The following UVSSA variants were observed in gnomAD, a reference collection of about 807,000 sequenced individuals.
UVSSA encodes UV stimulated scaffold protein A, also known as UV-stimulated scaffold protein A.
A neutral mutation model predicts 73.9 loss-of-function variants in UVSSA; 72 were observed. The ratio of observed to expected loss-of-function variants is 0.97; its 90% confidence interval spans 0.81 to 1.19. The LOEUF (loss-of-function observed/expected upper bound fraction) is 1.19. Among genes scored for constraint, UVSSA ranks in the 50% most tolerant of loss-of-function variants. The pLI is 0.00. For synonymous variants in UVSSA, 454 were observed against 391.3 expected, an observed-to-expected ratio of 1.16 and a Z score of -1.89; for missense variants, 1,150 against 965.0, an observed-to-expected ratio of 1.19 and a Z score of -2.54.
At chr4:1,354,480 A>G (rs1245546547) in intron 5 of UVSSA, 8 of 509,752 alleles carry the variant, frequency 1.6e-5, no homozygotes, top group Admixed American at 3.2e-5. Flanking sequence ...GGATGGCTGC[A>G]GCCAAGGAGA....
intron 1 of UVSSA, 146 bp from the exon 2 acceptor site, chr4:1,347,944 C>T: frequency 8.9e-6 from 6 of 674,938 alleles, no homozygotes; most frequent in Admixed American, 4.9e-5. Context: ...ACACATATTT[C>T]CCAGAGAGGC....
intron 8 of UVSSA, among the ~76,000 whole-genome samples, chr4:1,368,998 G>A (rs1266624634): frequency 6.6e-6 from 1 of 152,254 alleles, no homozygotes; most frequent in African/African-American, 2.4e-5. Flanking sequence ...GACCTGCCCC[G>A]GTGGAGGGGA....
rs1373692532 is a variant in UVSSA, at chr4:1,375,500, A to C, written c.1425A>C (p.Ser475=). 2 of 1,610,070 alleles carry C rather than the reference A, an allele frequency of 1.2e-6. No homozygotes were observed. The highest frequency in any genetic ancestry group is 1.7e-5 in the Admixed American group (1 of 59,966). Residue 475 remains serine, a synonymous_variant, in exon 9 of 14, where the codon TCA becomes TCC. Coordinates refer to ENST00000389851, the MANE Select transcript of UVSSA (RefSeq NM_020894.4). ...TCCGGGACCACTTGCCTCCACCCTC[A>C]TCTGCCAGGTGACTCCCAGTGTCCT... is the stretch of plus-strand genomic sequence containing the variant. ...RQLRDHLPPP[S]SASPSRALPE... is the part of the protein sequence containing the mutation.
chr4:1,384,363 T>TC (rs1719861352), intron 13 of UVSSA: 1 of 184,230 alleles, frequency 5.4e-6, no homozygotes, highest in South Asian at 1.2e-4. Flanking sequence ...AGAACGGGGG[T>TC]CCACGCGTCA....
chr4:1,366,672 C>T (rs1245423353), intron 8 of UVSSA, among the ~76,000 whole-genome samples: 1 of 152,234 alleles, frequency 6.6e-6, no homozygotes, highest in Non-Finnish European at 1.5e-5. Context: ...GCCCTCCCTG[C>T]AGCCTGCCCC....
rs1454259502 is a variant in UVSSA at position 1,355,258 on chromosome 4, G to A, written c.1176+13G>A. On this transcript the variant is annotated intron_variant, in intron 7 of 13. Transcript: ENST00000389851. ...GGAAAGGCGCAGGGTGAGTGGGCAG[G>A]CGGCGAGCGGGAAGGGGTCCCAGAG... is the stretch of plus-strand genomic sequence containing the variant. 1.6e-5 allele frequency: 25 copies of A among 1,603,364 alleles called. No individual in the cohort carries two copies. In the East Asian group the frequency reaches 5.6e-4, roughly 36 times the overall value.
chr4:1,368,049 A>T (rs1162276328), intron 8 of UVSSA, among the ~76,000 whole-genome samples: 1 of 152,250 alleles, frequency 6.6e-6, no homozygotes, highest in Admixed American at 6.5e-5. Context: ...CCCCCGGAGC[A>T]TGGTGGAAGC....
rs561006920 is a variant in UVSSA, at chr4:1,368,310, C to T, written c.1288+1879C>T. Among the ~76,000 whole-genome samples, 18 of 152,358 alleles carry T rather than the reference C, an allele frequency of 1.2e-4. No individual in the cohort carries two copies. In the South Asian group the frequency reaches 2.5e-3, roughly 21 times the overall value. The stretch of plus-strand genomic sequence containing the variant: ...AAGTTACACATCTTAGACGGGGTGA[C>T]GTGTGGCGTCTCAAAAGCAGAAATC... On this transcript the variant is annotated intron_variant, in intron 8 of 13. Coordinates refer to ENST00000389851, the MANE Select transcript of UVSSA (RefSeq NM_020894.4).
rs114256126 is a variant in UVSSA at position 1,381,506 on chromosome 4, G to A, written c.1861+518G>A. Among the ~76,000 whole-genome samples, 914 of 152,298 alleles carry A rather than the reference G, an allele frequency of 6.0e-3. 8 individuals carry two copies. The highest frequency in any genetic ancestry group is 0.021 in the African/African-American group (868 of 41,562). On this transcript the variant is annotated intron_variant, in intron 12 of 13. Coordinates refer to ENST00000389851, the MANE Select transcript of UVSSA (RefSeq NM_020894.4). ...CCCTGGACAGCAAGGCCACTGTGGGGCAGCACTGCCACATCAGCAGGGCCC... is the reference window on the plus strand; with the variant it reads ...CCCTGGACAGCAAGGCCACTGTGGGACAGCACTGCCACATCAGCAGGGCCC...
intron 7 of UVSSA, among the ~76,000 whole-genome samples, chr4:1,362,052 C>T (rs897279036): frequency 7.9e-5 from 12 of 152,188 alleles, no homozygotes; most frequent in African/African-American, 2.9e-4. Context: ...TCTTCCTTTC[C>T]TTCTCAAATA....
chr4:1,395,709 G>T, exon 14 of UVSSA: 1 of 1,614,146 alleles, frequency 6.2e-7, no homozygotes. Context: ...CTCACACAAA[G>T]CCCTGGCATG....
chr4:1,353,988 C>T (rs1233445591), intron 5 of UVSSA, among the ~76,000 whole-genome samples: 2 of 152,266 alleles, frequency 1.3e-5, no homozygotes, highest in Non-Finnish European at 2.9e-5. Context: ...TGCTGCCCCC[C>T]TGGGGTGTGA....
Position 1,375,381 on chromosome 4 carries a change from G to A in UVSSA, c.1306G>A (p.Glu436Lys). 1 of 1,613,634 alleles carries A rather than the reference G, an allele frequency of 6.2e-7. No individual in the cohort carries two copies. The highest frequency in any genetic ancestry group is 8.5e-7 in the Non-Finnish European group (1 of 1,180,000). Residue 436 changes from glutamate to lysine, a missense_variant, in exon 9 of 14, where the codon GAG (glutamate) becomes AAG (lysine). Coordinates refer to ENST00000389851, the MANE Select transcript of UVSSA (RefSeq NM_020894.4). ...TGTTTCAGGGCTGGAGGCAGCACCA[G>A]AGAAAGACACAGTTGTGCGGTGCTT... Reference protein sequence around the residue: ...RPEYGLEAAPEKDTVVRCLRT... With the variant: ...RPEYGLEAAPKKDTVVRCLRT...
chr4:1,353,370 G>T lies in UVSSA; in HGVS notation c.891G>T (p.Gly297=), dbSNP rs1357420906. The T allele has an allele frequency of 6.2e-7, 1 of 1,603,124 alleles. No individual in the cohort carries two copies. Among genetic ancestry groups the T allele is most frequent in the Non-Finnish European group, 8.5e-7 (1 of 1,175,438 alleles). ...TCGAGGAGTTTGTGCGGAGCCACGGGCTGGGCTCGCACAAGTACACGCTGG... is the reference window on the plus strand; with the variant it reads ...TCGAGGAGTTTGTGCGGAGCCACGGTCTGGGCTCGCACAAGTACACGCTGG... The part of the protein sequence containing the change: ...SDLEEFVRSH[G]LGSHKYTLDV... Residue 297 remains glycine (G), a synonymous_variant, in exon 5 of 14, where the codon GGG becomes GGT. Transcript: ENST00000389851.
At chr4:1,378,218 C>T (rs1384135215) in intron 10 of UVSSA, among the ~76,000 whole-genome samples, 6 of 152,164 alleles carry the variant, frequency 3.9e-5, no homozygotes, top group Admixed American at 3.9e-4. Flanking sequence ...GTGGCGGCCA[C>T]AGGCAACCAC....
intron 8 of UVSSA, among the ~76,000 whole-genome samples, chr4:1,373,114 C>CA (rs1381280356): frequency 6.6e-6 from 1 of 152,258 alleles, no homozygotes; most frequent in African/African-American, 2.4e-5. Flanking sequence ...TCGGCACTTT[C>CA]AAAGTGACCT....
Position 1,383,919 on chromosome 4 carries a change from T to C in UVSSA, c.2015T>C (p.Ile672Thr), listed in dbSNP as rs368990503. 3.1e-6 allele frequency: 5 copies of C among 1,612,564 alleles called. No individual in the cohort carries two copies. In the African/African-American group the frequency reaches 5.3e-5, roughly 17 times the overall value. Residue 672 changes from isoleucine to threonine, a missense_variant, in exon 13 of 14, where the codon ATT becomes ACT. By Grantham distance (89) the Ile-to-Thr change is moderately conservative (BLOSUM62 -1). Coordinates refer to ENST00000389851, the MANE Select transcript of UVSSA (RefSeq NM_020894.4). ...CAGGCTGATACCGCCCGCGCTCGCA[T>C]TGGGAGAAAAGTCTTCGCCAAGTAA... ...KAQADTARAR[I>T]GRKVFAKAAV...
chr4:1,345,875 C>CA (rs1418024008), upstream of UVSSA, among the ~76,000 whole-genome samples: 3 of 151,636 alleles, frequency 2.0e-5, no homozygotes, highest in Admixed American at 6.6e-5. Flanking sequence ...CTAGTAACAA[C>CA]AAAAAAAACC....
chr4:1,360,827 G>C (rs569589596), intron 7 of UVSSA, among the ~76,000 whole-genome samples: 1 of 152,306 alleles, frequency 6.6e-6, no homozygotes, highest in African/African-American at 2.4e-5. Context: ...AAGTCATTCC[G>C]CTCTCCACTG....
Sources: allele counts gnomAD v4.1 joint callset (sites outside exome capture counted in the v4.1 genomes callset), GRCh38; gene constraint gnomAD v4.1.1; transcripts MANE v1.5; gene names NCBI Gene and HGNC (gene_info 2026-07-23, HGNC 2026-07-21).